The following DLGAP2 variants were observed in gnomAD, a reference collection of about 807,000 sequenced individuals.
DLGAP2 encodes DLG associated protein 2.
In DLGAP2, 26 loss-of-function variants were observed where a neutral mutation model predicts 100.3. That is an observed-to-expected ratio of 0.26 (90% CI 0.19 to 0.36). The LOEUF (loss-of-function observed/expected upper bound fraction) is 0.36, where lower values mean the gene tolerates loss of function less well. Among genes scored for constraint, DLGAP2 ranks in the 10% least tolerant of loss-of-function variants. The pLI, the probability that DLGAP2 is intolerant of heterozygous loss-of-function variation, is 1.00. For missense variants in DLGAP2, 1,858 were observed against 1,453.2 expected, an observed-to-expected ratio of 1.28 and a Z score of -4.53; for synonymous variants, 886 against 630.1, an observed-to-expected ratio of 1.41 and a Z score of -6.08.
chr8:1,173,637 C>T (rs1326821949), intron 2 of DLGAP2, among the ~76,000 whole-genome samples: 1 of 152,184 alleles, frequency 6.6e-6, no homozygotes, highest in Non-Finnish European at 1.5e-5. Context: ...TCTTAGACTG[C>T]TGTGCTAGCA....
chr8:1,605,360 C>G (rs1050153540), intron 6 of DLGAP2, among the ~76,000 whole-genome samples: 7 of 152,166 alleles, frequency 4.6e-5, no homozygotes, highest in African/African-American at 1.2e-4. Flanking sequence ...TACAGCAGGG[C>G]TCTCAGAGTG....
rs527328355 is a variant in DLGAP2, at chr8:1,257,522, C to T, written c.74-1329C>T. ...GTGCCTTTCCTGGGACGTCTGTGCT[C>T]GCTCCCCAGATTACTATTTAACATC... is the stretch of plus-strand genomic sequence containing the variant. On this transcript the variant is annotated intron_variant, in intron 2 of 14. Coordinates refer to ENST00000637795, the MANE Select transcript of DLGAP2 (RefSeq NM_001346810.2). Among the ~76,000 whole-genome samples, 100 of 57,878 alleles carry T rather than the reference C, an allele frequency of 1.7e-3. 1 individual carries two copies. Among genetic ancestry groups the T allele is most frequent in the Middle Eastern group, 0.014 (1 of 74 alleles). The allele number at this position is 57,878 out of a possible 152,430, so 38.0% of individuals were successfully genotyped here.
At chr8:863,609 C>A (rs1219776442) in intron 1 of DLGAP2, among the ~76,000 whole-genome samples, 1 of 152,096 alleles carries the variant, frequency 6.6e-6, no homozygotes, top group Non-Finnish European at 1.5e-5. Flanking sequence ...TGTGCAGAAG[C>A]TCCAGTTTGA....
At chr8:1,256,432 GT>G (rs1404264502) in intron 2 of DLGAP2, among the ~76,000 whole-genome samples, 1 of 136,072 alleles carries the variant, frequency 7.3e-6, no homozygotes, top group Non-Finnish European at 1.5e-5. Flanking sequence ...GGCGCTGTGC[GT>G]CTGTCCTCTC....
intron 3 of DLGAP2, among the ~76,000 whole-genome samples, chr8:1,264,051 C>G (rs1244591657): frequency 6.6e-6 from 1 of 152,184 alleles, no homozygotes; most frequent in African/African-American, 2.4e-5. Flanking sequence ...CTGCTCCTCT[C>G]TTAGTCTAGA....
intron 2 of DLGAP2, among the ~76,000 whole-genome samples, chr8:1,117,455 G>A (rs911219985): frequency 4.6e-5 from 7 of 152,208 alleles, no homozygotes; most frequent in South Asian, 2.1e-4. Flanking sequence ...ACAGGCTCAC[G>A]GTGGGAAGAT....
At position 1,282,200 on chromosome 8, in the gene DLGAP2, C is replaced by A. The variant is rs1404719657; in HGVS notation, c.106+23317C>A. ...GAACCCAGCACGTGAACCATCCGGACATGGTGTGACCTGAACCCAGCCCCC... is the reference window on the plus strand; with the variant it reads ...GAACCCAGCACGTGAACCATCCGGAAATGGTGTGACCTGAACCCAGCCCCC... On this transcript the variant is annotated intron_variant, in intron 3 of 14. Coordinates refer to ENST00000637795, the MANE Select transcript of DLGAP2 (RefSeq NM_001346810.2). Among the ~76,000 whole-genome samples the A allele has an allele frequency of 3.1e-4, 36 of 117,206 alleles. 1 individual carries two copies. The highest frequency in any genetic ancestry group is 8.1e-4 in the Admixed American group (8 of 9,922). The allele number at this position is 117,206 out of a possible 152,430, so 76.9% of individuals were successfully genotyped here.
intron 2 of DLGAP2, among the ~76,000 whole-genome samples, chr8:994,116 A>G (rs1800716172): frequency 6.6e-6 from 1 of 152,204 alleles, no homozygotes; most frequent in Non-Finnish European, 1.5e-5. Context: ...TCGCCACTGC[A>G]CTACAATGTC....
At chr8:1,367,790 G>A (rs2129689899) in intron 3 of DLGAP2, among the ~76,000 whole-genome samples, 1 of 152,322 alleles carries the variant, frequency 6.6e-6, no homozygotes, top group East Asian at 1.9e-4. Flanking sequence ...TATTTACGGT[G>A]TATTTGGATT....
At chr8:964,903 C>A (rs910505908) in intron 2 of DLGAP2, among the ~76,000 whole-genome samples, 1 of 152,152 alleles carries the variant, frequency 6.6e-6, no homozygotes, top group African/African-American at 2.4e-5. Context: ...CCTTCCCGCT[C>A]GCTGAGCCCG....
At chr8:1,171,313 A>G (rs1490467189) in intron 2 of DLGAP2, among the ~76,000 whole-genome samples, 1 of 152,098 alleles carries the variant, frequency 6.6e-6, no homozygotes, top group African/African-American at 2.4e-5. Flanking sequence ...GTATGTGGTC[A>G]GTTTTGGAAT....
intron 1 of DLGAP2, among the ~76,000 whole-genome samples, chr8:804,665 A>T (rs901998448): frequency 6.6e-6 from 1 of 152,224 alleles, no homozygotes; most frequent in Non-Finnish European, 1.5e-5. Flanking sequence ...CTTTTCCCCC[A>T]AGATATTTGA....
chr8:1,213,761 G>A (rs1798156115), intron 2 of DLGAP2, among the ~76,000 whole-genome samples: 1 of 152,172 alleles, frequency 6.6e-6, no homozygotes, highest in South Asian at 2.1e-4. Flanking sequence ...AGTGCTTTCT[G>A]GACACCAGCA....
At chr8:1,217,033 T>C (rs773173795) in intron 2 of DLGAP2, among the ~76,000 whole-genome samples, 1 of 152,270 alleles carries the variant, frequency 6.6e-6, no homozygotes, top group Non-Finnish European at 1.5e-5. Context: ...AGCTGGGGTT[T>C]GGTGTACAAA....
intron 8 of DLGAP2, among the ~76,000 whole-genome samples, chr8:1,665,717 C>CT (rs755363146): frequency 1.4e-4 from 21 of 152,264 alleles, no homozygotes; most frequent in Non-Finnish European, 2.8e-4. Flanking sequence ...CGTCCGCAGT[C>CT]TCGCTCCAGC....
intron 12 of DLGAP2, among the ~76,000 whole-genome samples, chr8:1,688,783 C>A (rs1352741806): frequency 6.6e-6 from 1 of 152,186 alleles, no homozygotes; most frequent in Non-Finnish European, 1.5e-5. Context: ...GATTGCCAGA[C>A]CTTCATGTTC....
intron 2 of DLGAP2, among the ~76,000 whole-genome samples, chr8:941,657 G>A (rs771572612): frequency 5.3e-5 from 8 of 152,150 alleles, no homozygotes; most frequent in Non-Finnish European, 7.3e-5. Flanking sequence ...CAGCCACAGC[G>A]AAAAGCCATG....
At chr8:1,663,008 G>A (rs1313673613) in intron 8 of DLGAP2, among the ~76,000 whole-genome samples, 6 of 150,424 alleles carry the variant, frequency 4.0e-5, no homozygotes, top group Non-Finnish European at 7.4e-5. Flanking sequence ...TGGGGTGTGT[G>A]TGTGTGTATA....
intron 1 of DLGAP2, among the ~76,000 whole-genome samples, chr8:808,853 G>C (rs1256249336): frequency 2.6e-5 from 4 of 151,186 alleles, no homozygotes; most frequent in Admixed American, 6.6e-5. Context: ...CCTTATATGT[G>C]ACCCTTAGGT....
Sources: gnomAD v4.1 joint callset for allele counts (sites outside exome capture counted in the v4.1 genomes callset) on GRCh38, gnomAD v4.1.1 for gene constraint, MANE v1.5 for transcripts, NCBI Gene and HGNC (gene_info 2026-07-23, HGNC 2026-07-21) for gene names.